USH2A: variants seen among roughly 807,000 people sequenced by gnomAD.
USH2A encodes Usher syndrome 2A (autosomal recessive, mild).
In USH2A, 443 loss-of-function variants were observed where a neutral mutation model predicts 538.9. The observed-to-expected ratio is 0.82, with a 90% CI of 0.76 to 0.89. USH2A has a LOEUF of 0.89. Among genes scored for constraint, USH2A ranks in the 40% least tolerant of loss-of-function variants. The pLI, the probability that USH2A is intolerant of heterozygous loss-of-function variation, is 0.00. For missense variants in USH2A, 6,633 were observed against 6,324.8 expected (o/e 1.05, Z -1.65); for synonymous variants, 2,413 against 2,273.5 (o/e 1.06, Z -1.75).
chr1:215,712,769 T>G (rs898178906), intron 61 of USH2A, among the ~76,000 whole-genome samples: 2 of 152,108 alleles, frequency 1.3e-5, no homozygotes, highest in African/African-American at 4.8e-5. Flanking sequence ...GAAAATATAA[T>G]AAATTTTCCT....
intron 21 of USH2A, chr1:216,174,107 G>T (rs1191925879): frequency 1.0e-6 from 1 of 985,026 alleles, no homozygotes; most frequent in Non-Finnish European, 1.2e-6. Context: ...CATTACCAAG[G>T]TGCATCAGCA....
chr1:215,782,077 C>A lies in USH2A; in HGVS notation c.10705G>T (p.Ala3569Ser). ...PFQEYSYQLK[A>S]CTVAGCATSS... The stretch of plus-strand genomic sequence containing the variant: ...GTGGCACAGCCAGCAACCGTGCAAG[C>A]TTTCAGCTGATATGAATATTCCTGA... Residue 3569 changes from alanine (A) to serine (S), a missense_variant, in exon 54 of 72, where the codon GCT becomes TCT. Ala to Ser is a moderately conservative substitution (Grantham distance 99). Coordinates refer to ENST00000307340, the MANE Select transcript of USH2A (RefSeq NM_206933.4). 6.2e-7 allele frequency: 1 copy of A among 1,614,056 alleles called. No homozygotes were observed. Among genetic ancestry groups the A allele is most frequent in the South Asian group, 1.1e-5 (1 of 91,082 alleles).
At chr1:216,344,478 T>C (rs2038136454) in intron 4 of USH2A, among the ~76,000 whole-genome samples, 1 of 152,114 alleles carries the variant, frequency 6.6e-6, no homozygotes, top group Non-Finnish European at 1.5e-5. Context: ...ATGGAATTTT[T>C]GACAAGTTCA....
intron 64 of USH2A, among the ~76,000 whole-genome samples, chr1:215,656,821 G>T (rs1230133289): frequency 6.6e-6 from 1 of 152,142 alleles, no homozygotes; most frequent in Non-Finnish European, 1.5e-5. Flanking sequence ...GCTCTAAGGA[G>T]ACATAATTGT....
At chr1:216,133,109 T>TAAA (rs2033410953) in intron 21 of USH2A, among the ~76,000 whole-genome samples, 1 of 152,156 alleles carries the variant, frequency 6.6e-6, no homozygotes, top group African/African-American at 2.4e-5. Context: ...CCTATTTTGT[T>TAAA]AAATTCATAA....
chr1:215,958,168 C>G (rs1057242989), intron 37 of USH2A, among the ~76,000 whole-genome samples: 2 of 152,052 alleles, frequency 1.3e-5, no homozygotes, highest in African/African-American at 4.8e-5. Flanking sequence ...TTATAAAACA[C>G]AGTATATTCT....
chr1:215,759,400 T>C (rs1296306640), intron 57 of USH2A, among the ~76,000 whole-genome samples: 1 of 152,100 alleles, frequency 6.6e-6, no homozygotes, highest in Admixed American at 6.6e-5. Flanking sequence ...ATTTTTAAAG[T>C]TTAATACTTC....
At chr1:215,743,384 ATATGTGTGTGTG>A in intron 58 of USH2A, 49 bp from the exon 59 acceptor site, 2 of 449,572 alleles carry the variant, frequency 4.4e-6, no homozygotes, top group Admixed American at 5.1e-5. Flanking sequence ...ATATATATAT[ATATGTGTGTGTG>A]TGTGTGTGTG....
chr1:215,675,489 G>A lies in USH2A; in HGVS notation c.12422C>T (p.Ala4141Val), dbSNP rs1657991784. The A allele has an allele frequency of 6.2e-7, 1 of 1,614,090 alleles. No individual in the cohort carries two copies. Among genetic ancestry groups the A allele is most frequent in the East Asian group, 2.2e-5 (1 of 44,858 alleles). Residue 4141 changes from alanine to valine, a missense_variant, in exon 63 of 72, where the codon GCA (alanine) becomes GTA (valine). Coordinates refer to ENST00000307340, the MANE Select transcript of USH2A (RefSeq NM_206933.4). Reference sequence around the variant, plus strand: ...CCACAGAGGCTGAGGCGCCGAGTGTGCACAACCTGCTCTGGTGCAGGCCTC... The same window carrying A: ...CCACAGAGGCTGAGGCGCCGAGTGTACACAACCTGCTCTGGTGCAGGCCTC... Reference protein sequence around the residue: ...TLEACTRAGCAHSAPQPLWTD... With the variant: ...TLEACTRAGCVHSAPQPLWTD...
At chr1:216,276,583 C>T (rs2036674392) in intron 11 of USH2A, among the ~76,000 whole-genome samples, 1 of 152,034 alleles carries the variant, frequency 6.6e-6, no homozygotes, top group Non-Finnish European at 1.5e-5. Context: ...AGCCAGTGTA[C>T]TCGTCTGTTT....
intron 44 of USH2A, among the ~76,000 whole-genome samples, chr1:215,859,971 G>A (rs903267400): frequency 2.0e-5 from 3 of 152,184 alleles, no homozygotes; most frequent in African/African-American, 7.2e-5. Context: ...GAATGGCTTG[G>A]TGTCTTGCTC....
chr1:215,818,379 AT>A (rs1558112335), intron 47 of USH2A, among the ~76,000 whole-genome samples: 1 of 151,656 alleles, frequency 6.6e-6, no homozygotes, highest in African/African-American at 2.4e-5. Flanking sequence ...ACTTTGCTTA[AT>A]TTTTTGACTC....
intron 30 of USH2A, among the ~76,000 whole-genome samples, chr1:216,051,575 C>A (rs1432079715): frequency 1.3e-5 from 2 of 152,164 alleles, no homozygotes; most frequent in Non-Finnish European, 2.9e-5. Flanking sequence ...GAGAATAAGA[C>A]TTTTAATCCT....
chr1:215,817,012 A>C lies in USH2A; in HGVS notation c.9555T>G (p.Tyr3185Ter), dbSNP rs1662876606. 1 of 1,612,528 alleles carries C rather than the reference A, an allele frequency of 6.2e-7. No individual in the cohort carries two copies. The highest frequency in any genetic ancestry group is 2.2e-5 in the East Asian group (1 of 44,814). The change falls in exon 48 of 72, where the codon TAT becomes TAG. Residue 3185 changes from tyrosine (Y) to a stop codon, truncating the protein, a stop_gained. Transcript: ENST00000307340. LOFTEE classifies it high-confidence loss of function. The part of the protein sequence containing the change: ...KPESICGHIC[Y>*]SSEAKVCCNG... ...AAAGACTTACCTTAGCTTCAGAAGAATAGCAAATGTGTCCACAGATAGATT... is the reference window on the plus strand; with the variant it reads ...AAAGACTTACCTTAGCTTCAGAAGACTAGCAAATGTGTCCACAGATAGATT...
rs186725214 is a variant in USH2A at position 216,081,010 on chromosome 1, C to A, written c.5298+2446G>T. On this transcript the variant is annotated intron_variant, in intron 26 of 71. Transcript: ENST00000307340. ...TACATCTAAAATATATTAGAAAATC[C>A]TGTAAACAATAGATACTGTTTAATA... Among the ~76,000 whole-genome samples, 588 of 151,886 alleles carry A rather than the reference C, an allele frequency of 3.9e-3. 3 individuals are homozygous for A. The highest frequency in any genetic ancestry group is 0.014 in the African/African-American group (565 of 41,416).
intron 21 of USH2A, among the ~76,000 whole-genome samples, chr1:216,167,125 C>T (rs1421950332): frequency 2.6e-5 from 4 of 151,592 alleles, no homozygotes; most frequent in Admixed American, 6.6e-5. Context: ...TATATATATA[C>T]CTTAAATATG....
intron 61 of USH2A, among the ~76,000 whole-genome samples, chr1:215,687,348 T>C (rs1468557017): frequency 6.6e-6 from 1 of 151,350 alleles, no homozygotes; most frequent in African/African-American, 2.4e-5. Flanking sequence ...AAAAGAAGAA[T>C]GATACGTGAA....
At chr1:215,677,819 G>C (rs956326776) in intron 62 of USH2A, among the ~76,000 whole-genome samples, 1 of 152,098 alleles carries the variant, frequency 6.6e-6, no homozygotes, top group Non-Finnish European at 1.5e-5. Flanking sequence ...CTGGCACCAT[G>C]GGTTTATATA....
At chr1:216,261,272 A>G (rs954403382) in intron 11 of USH2A, among the ~76,000 whole-genome samples, 1 of 151,976 alleles carries the variant, frequency 6.6e-6, no homozygotes, top group Non-Finnish European at 1.5e-5. Context: ...TAGAAACAAA[A>G]AAAAGCCTAA....
Sources: gnomAD v4.1 joint callset for allele counts (sites outside exome capture counted in the v4.1 genomes callset) on GRCh38, gnomAD v4.1.1 for gene constraint, MANE v1.5 for transcripts, NCBI Gene and HGNC (gene_info 2026-07-23, HGNC 2026-07-21) for gene names.